The following PDE4D variants were observed in gnomAD, a reference collection of about 807,000 sequenced individuals.
PDE4D encodes the protein phosphodiesterase 4D, also known as 3',5'-cyclic-AMP phosphodiesterase 4D.
In PDE4D, 24 loss-of-function variants were observed where a neutral mutation model predicts 87.4. That is an observed-to-expected ratio of 0.27 (90% CI 0.20 to 0.39). The LOEUF (loss-of-function observed/expected upper bound fraction) is 0.39. Ranked by LOEUF, PDE4D falls within the 10% of genes least tolerant of loss-of-function variation. The probability of loss-of-function intolerance (pLI) is 1.00; values close to 1 mark genes in which losing one functional copy is unlikely to be tolerated. For synonymous variants in PDE4D, 384 were observed against 383.2 expected (o/e 1.00, Z -0.02); for missense variants, 714 against 1,041.0 (o/e 0.69, Z 4.32).
chr5:59,483,274 C>A (rs1437753282), intron 1 of PDE4D, among the ~76,000 whole-genome samples: 1 of 152,130 alleles, frequency 6.6e-6, no homozygotes, highest in Non-Finnish European at 1.5e-5. Flanking sequence ...TAAAATAAAT[C>A]TCTTTCTATG....
chr5:59,901,923 AACACACACACACACACACACACACACAC>A (rs59453461), intron 3 of PDE4D, among the ~76,000 whole-genome samples: 71 of 134,340 alleles, frequency 5.3e-4, no homozygotes, highest in African/African-American at 1.8e-3. Flanking sequence ...CTTACATGCA[AACACACACACACACACACACACACACAC>A]ACACACACAC....
rs937155476 is a variant in PDE4D at position 59,614,521 on chromosome 5, G to A, written c.455+278647C>T. 3.3e-5 allele frequency among the ~76,000 whole-genome samples: 5 copies of A among 152,280 alleles called. No homozygotes were observed. The East Asian group carries it at 5.8e-4, about 18-fold the overall frequency. ...ATACAATCATAGCTCAGAACTGTAA[G>A]AGTCTATGTTACTACACATAAAGCA... On this transcript the variant is annotated intron_variant, in intron 1 of 14. Transcript: ENST00000340635.
At chr5:59,562,647 A>G (rs557000225) in intron 1 of PDE4D, among the ~76,000 whole-genome samples, 1 of 152,332 alleles carries the variant, frequency 6.6e-6, no homozygotes, top group South Asian at 2.1e-4. Context: ...AAATATGTTC[A>G]CTTTAAAGTA....
At chr5:60,152,601 C>T (rs1023685288) in intron 2 of PDE4D, among the ~76,000 whole-genome samples, 9 of 149,134 alleles carry the variant, frequency 6.0e-5, no homozygotes, top group African/African-American at 2.0e-4. Flanking sequence ...TGCAGTGAGC[C>T]GAGATTGCAC....
chr5:59,448,447 T>C (rs755613428), intron 1 of PDE4D, among the ~76,000 whole-genome samples: 1 of 152,202 alleles, frequency 6.6e-6, no homozygotes, highest in Non-Finnish European at 1.5e-5. Flanking sequence ...CTTTTGAATT[T>C]TCAATACATC....
chr5:59,974,635 G>C (rs567723173), intron 3 of PDE4D, among the ~76,000 whole-genome samples: 1 of 152,248 alleles, frequency 6.6e-6, no homozygotes, highest in East Asian at 1.9e-4. Context: ...TCAACTTCTT[G>C]TTCCCTGGTT....
At chr5:59,988,066 C>A in intron 3 of PDE4D, 1 of 155,396 alleles carries the variant, frequency 6.4e-6, no homozygotes, top group Non-Finnish European at 1.4e-5. Context: ...TCTTTTGATT[C>A]TAATTACAAT....
At chr5:60,080,469 T>C (rs963998357) in intron 2 of PDE4D, among the ~76,000 whole-genome samples, 2 of 152,136 alleles carry the variant, frequency 1.3e-5, no homozygotes, top group Admixed American at 1.3e-4. Flanking sequence ...AGTTTTCAAA[T>C]GGAATGCTTC....
At chr5:59,348,885 T>C (rs1268447817) in intron 1 of PDE4D, among the ~76,000 whole-genome samples, 1 of 151,812 alleles carries the variant, frequency 6.6e-6, no homozygotes, top group Non-Finnish European at 1.5e-5. Flanking sequence ...TGAGGCCAAG[T>C]ATTTGAGACA....
At chr5:59,443,472 T>C (rs1330444233) in intron 1 of PDE4D, among the ~76,000 whole-genome samples, 1 of 152,226 alleles carries the variant, frequency 6.6e-6, no homozygotes, top group African/African-American at 2.4e-5. Context: ...ATGTTCCATT[T>C]AGAAATAAAA....
At chr5:59,666,950 G>A (rs1250858988) in intron 1 of PDE4D, among the ~76,000 whole-genome samples, 1 of 152,164 alleles carries the variant, frequency 6.6e-6, no homozygotes, top group Non-Finnish European at 1.5e-5. Flanking sequence ...ACAGGCACTA[G>A]GCTTCATTGC....
At chr5:60,502,054 GT>G (rs1750104839) in intron 1 of PDE4D, among the ~76,000 whole-genome samples, 1 of 152,022 alleles carries the variant, frequency 6.6e-6, no homozygotes, top group Non-Finnish European at 1.5e-5. Flanking sequence ...TGCTTTTGGT[GT>G]TTTAGACATG....
intron 6 of PDE4D, among the ~76,000 whole-genome samples, chr5:59,023,467 CA>C (rs3060391): frequency 0.16 from 20,386 of 128,394 alleles, 2,087 homozygotes; most frequent in East Asian, 0.46. Flanking sequence ...CCTGTCTCTA[CA>C]AAAAAAAAAA....
intron 1 of PDE4D, among the ~76,000 whole-genome samples, chr5:59,706,333 G>C (rs62370501): frequency 0.047 from 7,106 of 152,194 alleles, 186 homozygotes; most frequent in South Asian, 0.062. Flanking sequence ...TTTCAGCTCA[G>C]GAAGTGACTA....
intron 1 of PDE4D, among the ~76,000 whole-genome samples, chr5:59,663,373 G>A (rs1745564104): frequency 1.3e-5 from 2 of 151,986 alleles, no homozygotes; most frequent in South Asian, 2.1e-4. Context: ...GTGTCACTGT[G>A]TTGGCCAGGC....
intron 2 of PDE4D, among the ~76,000 whole-genome samples, chr5:60,006,901 C>T (rs1301347185): frequency 6.6e-6 from 1 of 151,878 alleles, no homozygotes; most frequent in African/African-American, 2.4e-5. Context: ...ATTTAATAAG[C>T]TATTGCTTTA....
intron 5 of PDE4D, among the ~76,000 whole-genome samples, chr5:59,138,362 A>G (rs1777430879): frequency 6.6e-6 from 1 of 152,092 alleles, no homozygotes; most frequent in Non-Finnish European, 1.5e-5. Context: ...AGCTCAGCTC[A>G]CTGCAACCTC....
At chr5:59,520,966 C>T (rs1473179963) in intron 1 of PDE4D, among the ~76,000 whole-genome samples, 1 of 151,790 alleles carries the variant, frequency 6.6e-6, no homozygotes, top group Non-Finnish European at 1.5e-5. Flanking sequence ...TGAAATTCCT[C>T]AATTTCAAAG....
chr5:59,619,207 A>G (rs1264726769), intron 1 of PDE4D, among the ~76,000 whole-genome samples: 1 of 151,988 alleles, frequency 6.6e-6, no homozygotes, highest in African/African-American at 2.4e-5. Context: ...ACTCATTCAG[A>G]CTGAAATATG....
Sources: gnomAD v4.1 joint callset for allele counts (sites outside exome capture counted in the v4.1 genomes callset) on GRCh38, gnomAD v4.1.1 for gene constraint, MANE v1.5 for transcripts, NCBI Gene and HGNC (gene_info 2026-07-23, HGNC 2026-07-21) for gene names.